Variants in GSTA1 observed in about 807,000 individuals in gnomAD.
GSTA1 encodes glutathione S-transferase A1.
In GSTA1, 23 loss-of-function variants were observed where a neutral mutation model predicts 21.5. That is an observed-to-expected ratio of 1.07 (90% CI 0.77 to 1.52). The LOEUF (loss-of-function observed/expected upper bound fraction) is 1.52, where lower values mean the gene tolerates loss of function less well. GSTA1 is among the 40% of genes most tolerant of loss of function. The pLI, the probability that GSTA1 is intolerant of heterozygous loss-of-function variation, is 0.00. For synonymous variants in GSTA1, 125 were observed against 90.0 expected, an observed-to-expected ratio of 1.39 and a Z score of -2.20; for missense variants, 301 against 264.2, an observed-to-expected ratio of 1.14 and a Z score of -0.96.
At chr6:52,796,471 ATATATATATATATATATATG>A (rs1347018710) in intron 3 of GSTA1, among the ~76,000 whole-genome samples, 157 bp from the exon 4 acceptor site, 121 of 11,254 alleles carry the variant, frequency 0.011, no homozygotes, top group Middle Eastern at 0.042. Flanking sequence ...ATATATATAT[ATATATATATATATATATATG>A]TGTGTGTGTG....
chr6:52,802,487 G>GT (rs1235480093), intron 1 of GSTA1, among the ~76,000 whole-genome samples: 3 of 152,196 alleles, frequency 2.0e-5, no homozygotes, highest in Non-Finnish European at 2.9e-5. Flanking sequence ...AAAATTCATA[G>GT]TAGGAACACA....
At chr6:52,792,620 T>C in intron 6 of GSTA1, 1 of 1,004,908 alleles carries the variant, frequency 1.0e-6, no homozygotes, top group Non-Finnish European at 1.4e-6. Context: ...CCCTGGGTTC[T>C]TTCCATAATA....
At chr6:52,796,489 A>ATATATATATATGTGTG (rs1763589125) in intron 3 of GSTA1, among the ~76,000 whole-genome samples, 175 bp from the exon 4 acceptor site, 1 of 13,082 alleles carries the variant, frequency 7.6e-5, no homozygotes, top group African/African-American at 4.4e-4. Context: ...ATATATATAT[A>ATATATATATATGTGTG]TGTGTGTGTG....
At chr6:52,799,461 A>G (rs1218650753) in intron 1 of GSTA1, among the ~76,000 whole-genome samples, 164 bp from the exon 2 acceptor site, 1 of 152,214 alleles carries the variant, frequency 6.6e-6, no homozygotes, top group East Asian at 1.9e-4. Context: ...ATTGTTACCC[A>G]GCAGTGGCCA....
In GSTA1 at chr6:52,794,115, C is replaced by T. The variant is rs1763519567; in HGVS notation, c.414+10G>A. On this transcript the variant is annotated intron_variant, in intron 5 of 6. Transcript: ENST00000334575. ...CTCAGTTCCCCAAAACACTGAACTG[C>T]TTCACTTACTTTTTCAAAGGCAGGG... The T allele has an allele frequency of 6.2e-7, 1 of 1,613,622 alleles. No individual in the cohort carries two copies. Among genetic ancestry groups the T allele is most frequent in the Non-Finnish European group, 8.5e-7 (1 of 1,179,636 alleles).
At chr6:52,800,364 G>T (rs1237516933) in intron 1 of GSTA1, among the ~76,000 whole-genome samples, 1 of 152,202 alleles carries the variant, frequency 6.6e-6, no homozygotes, top group East Asian at 1.9e-4. Flanking sequence ...TCTGAAATAT[G>T]CATGGTAATC....
chr6:52,791,969 G>C lies in GSTA1; in HGVS notation c.558C>G (p.Thr186=). 6.2e-7 allele frequency: 1 copy of C among 1,613,936 alleles called. No individual in the cohort carries two copies. The highest frequency in any genetic ancestry group is 1.1e-5 in the South Asian group (1 of 91,064). ...TCACTGTGGGCAGGTTGCTGATTCT[G>C]GTTTTCAGGGCCTGTAATTCATAAA... is the stretch of plus-strand genomic sequence containing the variant. The part of the protein sequence containing the change: ...SSFPLLKALK[T]RISNLPTVKK... Residue 186 remains threonine, a synonymous_variant, in exon 7 of 7, where the codon ACC becomes ACG. Transcript: ENST00000334575.
In GSTA1 at chr6:52,791,789, A is replaced by G; in HGVS notation, c.*69T>C. The G allele has an allele frequency of 1.3e-6, 2 of 1,566,510 alleles. No homozygotes were observed. Among genetic ancestry groups the G allele is most frequent in the Non-Finnish European group, 8.8e-7 (1 of 1,140,334 alleles). ...CAACAGGCACAATCAACACTTAGGT[A>G]AAGTACTTTATTGTTGCAAAACTTT... is the stretch of plus-strand genomic sequence containing the variant. On this transcript the variant is annotated 3_prime_UTR_variant, in exon 7 of 7. Coordinates refer to ENST00000334575, the MANE Select transcript of GSTA1 (RefSeq NM_145740.5).
At chr6:52,792,595 G>A (rs1453832822) in intron 6 of GSTA1, 7 of 663,476 alleles carry the variant, frequency 1.1e-5, no homozygotes, top group African/African-American at 3.7e-5. Context: ...TAGAGGGATG[G>A]GGAGAGATGC....
chr6:52,797,642 A>T lies in GSTA1; in HGVS notation c.88-5T>A, dbSNP rs1354835696. ...TTTTATAAATTTCTCTTCAAACTGG[A>T]AGCAGAAACAGTAAATACGTTCTTG... On this transcript the variant is annotated splice_region_variant and splice_polypyrimidine_tract_variant and intron_variant, in intron 2 of 6. Transcript: ENST00000334575. 6.2e-7 allele frequency: 1 copy of T among 1,603,274 alleles called. No individual in the cohort carries two copies. The highest frequency in any genetic ancestry group is 8.5e-7 in the Non-Finnish European group (1 of 1,170,820).
At chr6:52,801,478 C>T (rs1251277912) in intron 1 of GSTA1, among the ~76,000 whole-genome samples, 2 of 152,178 alleles carry the variant, frequency 1.3e-5, no homozygotes, top group African/African-American at 2.4e-5. Flanking sequence ...TAATTGTTAT[C>T]GACTAGAGTT....
intron 6 of GSTA1, among the ~76,000 whole-genome samples, chr6:52,792,516 C>A (rs1019461138): frequency 1.3e-5 from 2 of 151,938 alleles, no homozygotes; most frequent in African/African-American, 2.4e-5. Flanking sequence ...CTGCTCAGAC[C>A]GGCTCATTGT....
chr6:52,795,355 T>C lies in GSTA1; in HGVS notation c.272+827A>G, dbSNP rs113988749. The stretch of plus-strand genomic sequence containing the variant: ...CATGGCTAAGGCACATTTTTCTCCT[T>C]CATTTATTGATTGATGGATATTTGA... On this transcript the variant is annotated intron_variant, in intron 4 of 6. Coordinates refer to ENST00000334575, the MANE Select transcript of GSTA1 (RefSeq NM_145740.5). Among the ~76,000 whole-genome samples the C allele has an allele frequency of 1.0e-3, 159 of 152,358 alleles. 1 individual carries two copies. The highest frequency in any genetic ancestry group is 3.4e-3 in the African/African-American group (140 of 41,582).
chr6:52,793,032 G>T (rs774518310), intron 5 of GSTA1, 45 bp from the exon 6 acceptor site: 1 of 1,613,102 alleles, frequency 6.2e-7, no homozygotes, highest in Non-Finnish European at 8.5e-7. Flanking sequence ...GCACACCCAG[G>T]CTAGGACCCC....
chr6:52,797,716 C>T (rs1763623491), intron 2 of GSTA1, 79 bp from the exon 3 acceptor site: 1 of 1,213,046 alleles, frequency 8.2e-7, no homozygotes, highest in Admixed American at 1.7e-5. Flanking sequence ...CCATCTGGTG[C>T]ATCATTTGGA....
rs945616315 is a variant in GSTA1 at position 52,796,491 on chromosome 6, G to A, written c.140-177C>T. On this transcript the variant is annotated intron_variant, in intron 3 of 6. Transcript: ENST00000334575. Reference sequence around the variant, plus strand: ...TATATATATATATATATATATATATGTGTGTGTGTGTGTGTGTGTGTGTGT... The same window carrying A: ...TATATATATATATATATATATATATATGTGTGTGTGTGTGTGTGTGTGTGT... Among the ~76,000 whole-genome samples the A allele has an allele frequency of 6.7e-4, 8 of 11,862 alleles. No homozygotes were observed. In the African/African-American group the frequency reaches 6.8e-3, roughly 10 times the overall value. 7.8% of individuals were successfully genotyped at this position (11,862 alleles called of 152,430 possible).
chr6:52,792,913 AAG>A lies in GSTA1; in HGVS notation c.487_488del (p.Leu163SerfsTer8), dbSNP rs1171836253. Reference sequence around the variant, plus strand: ...AGTCAAGCTCCTCGACGTAGTAGAGAAGTTCCACCAGATGAATGTCAGCCCGG... The same window carrying A: ...AGTCAAGCTCCTCGACGTAGTAGAGATTCCACCAGATGAATGTCAGCCCGG... ...LSRADIHLVELLYYVEELDSS... is the reference protein window; with the variant it reads ...LSRADIHLVEXLYYVEELDSS... On this transcript the variant is annotated frameshift_variant, in exon 6 of 7. Coordinates refer to ENST00000334575, the MANE Select transcript of GSTA1 (RefSeq NM_145740.5). LOFTEE classifies it high-confidence loss of function. 1 of 1,613,986 alleles carries A rather than the reference AAG, an allele frequency of 6.2e-7. No individual in the cohort carries two copies. The highest frequency in any genetic ancestry group is 8.5e-7 in the Non-Finnish European group (1 of 1,180,006).
chr6:52,793,047 T>C, intron 5 of GSTA1, 60 bp from the exon 6 acceptor site: 1 of 1,611,596 alleles, frequency 6.2e-7, no homozygotes, highest in Admixed American at 1.7e-5. Context: ...GACCCCTGCT[T>C]CTTTCGGAGC....
chr6:52,799,886 AG>A (rs1460397381), intron 1 of GSTA1, among the ~76,000 whole-genome samples: 1 of 152,210 alleles, frequency 6.6e-6, no homozygotes, highest in East Asian at 1.9e-4. Flanking sequence ...TGTCACTGAC[AG>A]GGAGGACCGG....
Sources: gnomAD v4.1 joint callset for allele counts (sites outside exome capture counted in the v4.1 genomes callset) on GRCh38, gnomAD v4.1.1 for gene constraint, MANE v1.5 for transcripts, NCBI Gene and HGNC (gene_info 2026-07-23, HGNC 2026-07-21) for gene names.